SPOCK3: variants seen among roughly 807,000 people sequenced by gnomAD.
SPOCK3 encodes SPARC (osteonectin), cwcv and kazal like domains proteoglycan 3, also known as testican-3.
A neutral mutation model predicts 56.6 loss-of-function variants in SPOCK3; 30 were observed. The observed-to-expected ratio is 0.53, with a 90% CI of 0.40 to 0.72. The LOEUF (loss-of-function observed/expected upper bound fraction) is 0.72. Ranked by LOEUF, SPOCK3 falls within the 30% of genes least tolerant of loss-of-function variation. The probability of loss-of-function intolerance (pLI) is 0.00; values close to 1 mark genes in which losing one functional copy is unlikely to be tolerated. For missense variants in SPOCK3, 527 were observed against 530.0 expected (o/e 0.99, Z 0.06); for synonymous variants, 196 against 183.3 (o/e 1.07, Z -0.56).
At chr4:166,848,255 A>G (rs1360105307) in intron 6 of SPOCK3, among the ~76,000 whole-genome samples, 2 of 152,198 alleles carry the variant, frequency 1.3e-5, no homozygotes, top group South Asian at 4.1e-4. Context: ...TCAAATGACT[A>G]CAGCATAGAT....
At chr4:166,990,810 A>G (rs1747703472) in intron 4 of SPOCK3, among the ~76,000 whole-genome samples, 2 of 152,126 alleles carry the variant, frequency 1.3e-5, no homozygotes, top group African/African-American at 4.8e-5. Context: ...TGGAAATCAC[A>G]TTATTAATAA....
chr4:167,084,981 C>G (rs1337776252), intron 2 of SPOCK3, among the ~76,000 whole-genome samples: 1 of 151,928 alleles, frequency 6.6e-6, no homozygotes, highest in East Asian at 1.9e-4. Flanking sequence ...GATCCCTTCC[C>G]TCTACTTTTG....
At chr4:166,890,554 T>C (rs1341229866) in intron 5 of SPOCK3, among the ~76,000 whole-genome samples, 1 of 152,034 alleles carries the variant, frequency 6.6e-6, no homozygotes, top group Non-Finnish European at 1.5e-5. Flanking sequence ...TACTTATATC[T>C]GGCTTGATTT....
chr4:167,163,130 A>G (rs1439642330), intron 2 of SPOCK3, among the ~76,000 whole-genome samples: 1 of 149,358 alleles, frequency 6.7e-6, no homozygotes, highest in East Asian at 2.0e-4. Flanking sequence ...TACTACTTGA[A>G]TGCAACAATT....
chr4:167,207,910 A>G (rs764272245), intron 2 of SPOCK3, among the ~76,000 whole-genome samples: 1 of 152,180 alleles, frequency 6.6e-6, no homozygotes, highest in Non-Finnish European at 1.5e-5. Context: ...TGTCTCTGCT[A>G]ACCAAGAATT....
intron 4 of SPOCK3, among the ~76,000 whole-genome samples, chr4:166,978,447 AT>A (rs1434722664): frequency 2.6e-5 from 4 of 152,204 alleles, no homozygotes; most frequent in Non-Finnish European, 5.9e-5. Flanking sequence ...TTTGAACAAA[AT>A]TTTAAGGTCA....
At chr4:166,908,245 C>G (rs1468420665) in intron 5 of SPOCK3, among the ~76,000 whole-genome samples, 1 of 150,680 alleles carries the variant, frequency 6.6e-6, no homozygotes, top group Non-Finnish European at 1.5e-5. Context: ...AAAATTAGGC[C>G]TTCCCCTTTA....
At chr4:167,226,092 C>T (rs72701421) in intron 2 of SPOCK3, among the ~76,000 whole-genome samples, 3,888 of 152,222 alleles carry the variant, frequency 0.026, 73 homozygotes, top group Admixed American at 0.066. Flanking sequence ...AATGCCTTAA[C>T]ACAAGGAATT....
chr4:166,950,879 G>A (rs1579769508), intron 4 of SPOCK3, among the ~76,000 whole-genome samples: 1 of 146,502 alleles, frequency 6.8e-6, no homozygotes, highest in South Asian at 2.2e-4. Context: ...GATGTTCTTT[G>A]AAACCAACGA....
intron 2 of SPOCK3, among the ~76,000 whole-genome samples, chr4:167,180,521 T>A (rs890186365): frequency 1.3e-5 from 2 of 152,196 alleles, no homozygotes; most frequent in East Asian, 3.8e-4. Flanking sequence ...AGGTTACGTT[T>A]CTATAAATAT....
intron 6 of SPOCK3, among the ~76,000 whole-genome samples, chr4:166,792,945 T>C (rs62355241): frequency 0.2 from 31,029 of 152,124 alleles, 3,804 homozygotes; most frequent in East Asian, 0.34. Context: ...TTTTTAAAGA[T>C]ATCATTATTT....
At chr4:166,745,753 G>A (rs541047915) in intron 8 of SPOCK3, among the ~76,000 whole-genome samples, 2 of 152,264 alleles carry the variant, frequency 1.3e-5, no homozygotes, top group East Asian at 1.9e-4. Context: ...CATCTCATGT[G>A]CAGAGACACA....
chr4:166,943,326 G>A (rs919987618), intron 4 of SPOCK3, among the ~76,000 whole-genome samples: 2 of 152,150 alleles, frequency 1.3e-5, no homozygotes, highest in African/African-American at 4.8e-5. Context: ...ATTTCTTTGG[G>A]AGTCCCCAGG....
chr4:167,198,945 A>T (rs948849410), intron 2 of SPOCK3, among the ~76,000 whole-genome samples: 1 of 152,138 alleles, frequency 6.6e-6, no homozygotes, highest in African/African-American at 2.4e-5. Flanking sequence ...ATTAGGTAGT[A>T]GCTAAAAACA....
At chr4:166,965,420 CTT>C (rs1257553367) in intron 4 of SPOCK3, among the ~76,000 whole-genome samples, 1 of 146,256 alleles carries the variant, frequency 6.8e-6, no homozygotes, top group Non-Finnish European at 1.5e-5. Flanking sequence ...CTGAAAATCT[CTT>C]TGTTCCTTCT....
chr4:167,219,343 T>C (rs551605280), intron 2 of SPOCK3, among the ~76,000 whole-genome samples: 1 of 152,330 alleles, frequency 6.6e-6, no homozygotes, highest in Admixed American at 6.5e-5. Context: ...AGCAAGCTCG[T>C]ATTTCAGAGT....
Position 166,737,541 on chromosome 4 carries a change from A to G in SPOCK3, c.1058T>C (p.Val353Ala), listed in dbSNP as rs939178993. The change falls in exon 10 of 11, where the codon GTT becomes GCT. Residue 353 changes from valine to alanine, a missense_variant. Physicochemically the swap from Val to Ala is moderately conservative, Grantham distance 64. Transcript: ENST00000357545. ...YYKPTQCHGS[V>A]GQCWCVDRYG... ...TCTGTCAACACACCAGCACTGTCCA[A>G]CACTGCCATGACATTGTGTTGGCTT... is the stretch of plus-strand genomic sequence containing the variant. The G allele has an allele frequency of 1.9e-6, 3 of 1,613,254 alleles. No individual in the cohort carries two copies. Among genetic ancestry groups the G allele is most frequent in the Non-Finnish European group, 1.7e-6 (2 of 1,179,544 alleles).
chr4:166,959,560 TGAGATC>T (rs1743904497), intron 4 of SPOCK3, among the ~76,000 whole-genome samples: 1 of 150,864 alleles, frequency 6.6e-6, no homozygotes, highest in African/African-American at 2.4e-5. Context: ...TGCAGTGAGC[TGAGATC>T]GCACCATTGC....
At chr4:166,931,820 A>G (rs1052314545) in intron 4 of SPOCK3, among the ~76,000 whole-genome samples, 1 of 152,228 alleles carries the variant, frequency 6.6e-6, no homozygotes, top group African/African-American at 2.4e-5. Context: ...AGCGGCCAGT[A>G]TCAGGATCTC....
Sources: allele counts gnomAD v4.1 joint callset (sites outside exome capture counted in the v4.1 genomes callset), GRCh38; gene constraint gnomAD v4.1.1; transcripts MANE v1.5; gene names NCBI Gene and HGNC (gene_info 2026-07-23, HGNC 2026-07-21).